Variants in TRIM5 observed in about 807,000 individuals in gnomAD.
The protein encoded by TRIM5 is tripartite motif containing 5.
A neutral mutation model predicts 35.6 loss-of-function variants in TRIM5; 31 were observed. The ratio of observed to expected loss-of-function variants is 0.87; its 90% confidence interval spans 0.65 to 1.18. TRIM5 has a LOEUF of 1.18. Ranked by LOEUF, TRIM5 falls within the 50% of genes most tolerant of loss-of-function variation. The pLI is 0.00. For missense variants in TRIM5, 609 were observed against 591.6 expected, an observed-to-expected ratio of 1.03 and a Z score of -0.31; for synonymous variants, 243 against 215.6, an observed-to-expected ratio of 1.13 and a Z score of -1.11.
chr11:5,610,140 T>C, the TRIM5 span: 3 of 1,613,782 alleles, frequency 1.9e-6, no homozygotes, highest in African/African-American at 4.0e-5. Context: ...TCCTGTCCTT[T>C]CTAGGAGTGA....
chr11:5,608,522 C>G, the TRIM5 span: 4 of 1,410,974 alleles, frequency 2.8e-6, no homozygotes, highest in South Asian at 5.7e-5. Flanking sequence ...AATCGCGCAT[C>G]ACATGGAGTT....
the TRIM5 span, chr11:5,632,238 C>T: frequency 6.3e-7 from 1 of 1,580,542 alleles, no homozygotes; most frequent in Non-Finnish European, 8.6e-7. Context: ...TATACCATCC[C>T]CTTTCAATCT....
intron 4 of TRIM5, chr11:5,669,954 A>G (rs1255294782): frequency 1.3e-4 from 23 of 172,436 alleles, no homozygotes; most frequent in South Asian, 5.5e-4. Context: ...CAGCCTGGGC[A>G]ACAGAGCGAG....
the TRIM5 span, among the ~76,000 whole-genome samples, chr11:5,639,585 C>A: frequency 7.1e-6 from 1 of 141,384 alleles, no homozygotes; most frequent in Non-Finnish European, 1.5e-5. Context: ...GAGGCTGAGG[C>A]AGAAGAATCG....
the TRIM5 span, among the ~76,000 whole-genome samples, chr11:5,639,110 G>C: frequency 6.6e-6 from 1 of 152,000 alleles, no homozygotes; most frequent in Non-Finnish European, 1.5e-5. Flanking sequence ...TTTATTATTC[G>C]ATCAGACTTT....
rs200373739 is a variant in TRIM5, at chr11:5,665,037, G to T, written c.1254C>A (p.Phe418Leu). The T allele has an allele frequency of 1.9e-6, 3 of 1,614,060 alleles. No homozygotes were observed. Among genetic ancestry groups the T allele is most frequent in the Non-Finnish European group, 2.5e-6 (3 of 1,180,018 alleles). Residue 418 changes from phenylalanine to leucine, a missense_variant, in exon 8 of 8, where the codon TTC becomes TTA. Coordinates refer to ENST00000380034, the MANE Select transcript of TRIM5 (RefSeq NM_033034.3). ...VKCSAFQDSS[F>L]HTPSVPFIVP... is the part of the protein sequence containing the mutation. ...CAATGAAAGGAACAGAAGGAGTATG[G>T]AAGGAACTATCCTGGAAAGCACTAC...
chr11:5,616,759 G>C, the TRIM5 span, among the ~76,000 whole-genome samples: 3 of 136,694 alleles, frequency 2.2e-5, no homozygotes, highest in African/African-American at 8.1e-5. Context: ...TTTTCCTTGA[G>C]ATGGAGTCTC....
At chr11:5,600,498 C>T in the TRIM5 span, among the ~76,000 whole-genome samples, 1 of 152,160 alleles carries the variant, frequency 6.6e-6, no homozygotes, top group East Asian at 1.9e-4. Flanking sequence ...GATCCCCCAG[C>T]AGGGCCGCTA....
the TRIM5 span, among the ~76,000 whole-genome samples, chr11:5,628,316 C>T: frequency 6.6e-6 from 1 of 152,236 alleles, no homozygotes; most frequent in Non-Finnish European, 1.5e-5. Context: ...AAGAACCCCA[C>T]ATCTGTGGTT....
the TRIM5 span, among the ~76,000 whole-genome samples, chr11:5,630,002 G>A: frequency 2.0e-5 from 3 of 152,160 alleles, no homozygotes; most frequent in South Asian, 2.1e-4. Context: ...CACCGCGCCC[G>A]GCCTCAGTGA....
At chr11:5,645,889 A>ATATATATCTATATATAT in the TRIM5 span, 1 of 169,314 alleles carries the variant, frequency 5.9e-6, no homozygotes, top group Non-Finnish European at 1.1e-5. Flanking sequence ...AAATATATAT[A>ATATATATCTATATATAT]TATATATCTA....
At chr11:5,659,207 C>T (rs1158322795), downstream of TRIM5, among the ~76,000 whole-genome samples, 4 of 152,120 alleles carry the variant, frequency 2.6e-5, no homozygotes, top group African/African-American at 9.7e-5. Flanking sequence ...TGTAAACACT[C>T]ACCCCTAGAG....
chr11:5,604,685 G>T, the TRIM5 span: 25 of 1,571,672 alleles, frequency 1.6e-5, no homozygotes, highest in Non-Finnish European at 2.2e-5. Flanking sequence ...CAGGTCATAG[G>T]AGCTGAGGGC....
chr11:5,605,710 A>G, the TRIM5 span: 1 of 1,031,626 alleles, frequency 9.7e-7, no homozygotes, highest in Non-Finnish European at 1.4e-6. Context: ...CCCCTATTAA[A>G]CTGTTTAGAG....
the TRIM5 span, among the ~76,000 whole-genome samples, chr11:5,648,736 T>C: frequency 6.6e-6 from 1 of 152,196 alleles, no homozygotes. Flanking sequence ...AGGCTTTTGG[T>C]ATCTGCAGAT....
chr11:5,593,986 T>C, the TRIM5 span, among the ~76,000 whole-genome samples: 1 of 152,242 alleles, frequency 6.6e-6, no homozygotes, highest in South Asian at 2.1e-4. Flanking sequence ...ATTTAATACT[T>C]GATGAACAGT....
chr11:5,672,207 T>A (rs1220372681), intron 4 of TRIM5, among the ~76,000 whole-genome samples: 1 of 152,278 alleles, frequency 6.6e-6, no homozygotes, highest in South Asian at 2.1e-4. Context: ...AAAATGTTTT[T>A]TCCTTTTTTT....
chr11:5,670,264 G>T (rs1381347806), intron 4 of TRIM5, among the ~76,000 whole-genome samples: 3 of 134,510 alleles, frequency 2.2e-5, no homozygotes, highest in Non-Finnish European at 3.0e-5. Context: ...TGCAAGCTCT[G>T]CCTCCTGGGT....
chr11:5,612,267 T>G, the TRIM5 span: 3 of 152,228 alleles, frequency 2.0e-5, no homozygotes, highest in Admixed American at 1.3e-4. Context: ...TGTTTTTGTA[T>G]AAGTATGTAT....
Sources: allele counts gnomAD v4.1 joint callset (sites outside exome capture counted in the v4.1 genomes callset), GRCh38; gene constraint gnomAD v4.1.1; transcripts MANE v1.5; gene names NCBI Gene and HGNC (gene_info 2026-07-23, HGNC 2026-07-21).